The following FRYL variants were observed in gnomAD, a reference collection of about 807,000 sequenced individuals.
FRYL encodes the protein protein furry homolog-like.
A neutral mutation model predicts 351.2 loss-of-function variants in FRYL; 150 were observed. The observed-to-expected ratio is 0.43, with a 90% CI of 0.37 to 0.49. The LOEUF is 0.49. FRYL is among the 20% of genes least tolerant of loss of function. The pLI, the probability that FRYL is intolerant of heterozygous loss-of-function variation, is 0.00. For missense variants in FRYL, 3,036 were observed against 3,619.3 expected (o/e 0.84, Z 4.13); for synonymous variants, 1,153 against 1,257.1 (o/e 0.92, Z 1.75).
At chr4:48,545,848 C>G (rs1340969725) in intron 42 of FRYL, among the ~76,000 whole-genome samples, 1 of 152,116 alleles carries the variant, frequency 6.6e-6, no homozygotes, top group Non-Finnish European at 1.5e-5. Context: ...TCTCTTTGGC[C>G]ATTAAATAGC....
chr4:48,600,930 G>A (rs1332617527), intron 13 of FRYL, among the ~76,000 whole-genome samples: 1 of 152,094 alleles, frequency 6.6e-6, no homozygotes, highest in South Asian at 2.1e-4. Context: ...ATCCAAACAT[G>A]AGTAATATCA....
At position 48,500,163 on chromosome 4, in the gene FRYL, A is replaced by T. The variant is rs759035579; in HGVS notation, c.8650T>A (p.Ser2884Thr). The change falls in exon 63 of 64, where the codon TCC (serine) becomes ACC (threonine). Residue 2884 changes from serine to threonine, a missense_variant. This residue lies in a region of FRYL where 1,987 missense variants were observed against 2,311.7 expected (regional missense o/e 0.86). Transcript: ENST00000358350. The part of the protein sequence containing the change: ...QLESILKEAE[S>T]ASENEEIDIS... ...TCAATTTCTTCGTTTTCGGAAGCGG[A>T]CTCAGCTTCTTTGAGGATACTTTCC... 1 of 1,605,678 alleles carries T rather than the reference A, an allele frequency of 6.2e-7. No individual in the cohort carries two copies. The highest frequency in any genetic ancestry group is 8.5e-7 in the Non-Finnish European group (1 of 1,178,448).
chr4:48,649,476 T>C (rs1039983845), intron 3 of FRYL, among the ~76,000 whole-genome samples: 2 of 152,204 alleles, frequency 1.3e-5, no homozygotes, highest in Non-Finnish European at 2.9e-5. Context: ...TAAATTAATA[T>C]GCTTACAAGA....
intron 1 of FRYL, among the ~76,000 whole-genome samples, chr4:48,764,497 C>T (rs1400882241): frequency 6.6e-6 from 1 of 150,468 alleles, no homozygotes. Context: ...TGCCACTGTG[C>T]TCCAGCCTGA....
chr4:48,656,260 AAT>A (rs1229679242), intron 3 of FRYL, among the ~76,000 whole-genome samples: 1 of 111,408 alleles, frequency 9.0e-6, no homozygotes, highest in African/African-American at 3.2e-5. Flanking sequence ...TATATATTTG[AAT>A]ATACATTATT....
chr4:48,575,056 C>A, intron 25 of FRYL, 61 bp downstream of exon 25: 1 of 1,568,030 alleles, frequency 6.4e-7, no homozygotes, highest in Non-Finnish European at 8.7e-7. Flanking sequence ...GACCCTACCA[C>A]ACCTTCTAAG....
chr4:48,690,746 T>C (rs78004396), intron 2 of FRYL, among the ~76,000 whole-genome samples: 1 of 152,174 alleles, frequency 6.6e-6, no homozygotes, highest in South Asian at 2.1e-4. Flanking sequence ...ATAGTTTTTT[T>C]AATTATACAA....
At position 48,589,404 on chromosome 4, in the gene FRYL, G is replaced by A. The variant is rs138705816; in HGVS notation, c.1640+341C>T. Reference sequence around the variant, plus strand: ...TTTTTTTTTTTTTTTTTAAACTAGGGCTTTGGCAGTGAAAGCATTTATTTG... The same window carrying A: ...TTTTTTTTTTTTTTTTTAAACTAGGACTTTGGCAGTGAAAGCATTTATTTG... On this transcript the variant is annotated intron_variant, in intron 18 of 63. Transcript: ENST00000358350. 6.2e-3 allele frequency among the ~76,000 whole-genome samples: 919 copies of A among 148,090 alleles called. 12 individuals carry two copies. The highest frequency in any genetic ancestry group is 0.021 in the African/African-American group (862 of 40,202).
intron 3 of FRYL, among the ~76,000 whole-genome samples, chr4:48,670,500 G>A (rs1201514321): frequency 6.6e-6 from 1 of 150,914 alleles, no homozygotes. Flanking sequence ...TAGTCACCCT[G>A]CTGTGCTAGC....
chr4:48,739,421 A>AAT (rs56312141), intron 1 of FRYL, among the ~76,000 whole-genome samples: 1,862 of 117,082 alleles, frequency 0.016, 235 homozygotes, highest in East Asian at 0.084. Flanking sequence ...AAAAAAAAAA[A>AAT]CAACTAATCT....
chr4:48,558,000 T>C (rs894153085), intron 33 of FRYL, among the ~76,000 whole-genome samples: 1 of 152,224 alleles, frequency 6.6e-6, no homozygotes, highest in East Asian at 1.9e-4. Context: ...GGAAACAGTA[T>C]GATGGTTCCT....
chr4:48,538,624 T>A (rs1729406720), intron 47 of FRYL, among the ~76,000 whole-genome samples: 1 of 152,210 alleles, frequency 6.6e-6, no homozygotes. Context: ...GTGCTACTTG[T>A]TAATCAAATC....
At chr4:48,621,588 T>C (rs749369231) in intron 5 of FRYL, among the ~76,000 whole-genome samples, 6 of 152,336 alleles carry the variant, frequency 3.9e-5, no homozygotes, top group Non-Finnish European at 7.4e-5. Context: ...ATTAATATTC[T>C]GAAATCAGTA....
intron 45 of FRYL, 84 bp from the exon 46 acceptor site, chr4:48,541,044 T>C (rs1730034445): frequency 1.6e-6 from 2 of 1,285,306 alleles, no homozygotes; most frequent in African/African-American, 3.0e-5. Flanking sequence ...CACTGAAAAA[T>C]AGTAACTGGT....
At chr4:48,539,103 C>T (rs539554584) in intron 47 of FRYL, among the ~76,000 whole-genome samples, 2 of 152,256 alleles carry the variant, frequency 1.3e-5, no homozygotes, top group Admixed American at 1.3e-4. Flanking sequence ...ATTCTTCTAA[C>T]ATTGAGCCAT....
chr4:48,542,234 A>G, intron 44 of FRYL, 113 bp from the exon 45 acceptor site: 1 of 737,800 alleles, frequency 1.4e-6, no homozygotes, highest in South Asian at 1.7e-5. Flanking sequence ...TTACAAAATG[A>G]TTAAACTCTT....
chr4:48,710,706 A>C lies in FRYL; in HGVS notation c.-383-8T>G, dbSNP rs542132280. On this transcript the variant is annotated splice_region_variant and splice_polypyrimidine_tract_variant and intron_variant, in intron 1 of 63. Coordinates refer to ENST00000358350, the MANE Select transcript of FRYL (RefSeq NM_015030.2). ...AATATGGAATGTTCTAGGCTGGAAG[A>C]TTAAAAAATAGGAAATATGGTCATC... 3.0e-5 allele frequency: 12 copies of C among 397,480 alleles called. No individual in the cohort carries two copies. Among genetic ancestry groups the C allele is most frequent in the Non-Finnish European group, 5.3e-5 (12 of 225,712 alleles). 24.6% of individuals were successfully genotyped at this position (397,480 alleles called of 1,614,324 possible).
chr4:48,632,098 A>ATATATATATG (rs1560753522), intron 4 of FRYL, among the ~76,000 whole-genome samples: 8 of 21,480 alleles, frequency 3.7e-4, no homozygotes, highest in East Asian at 1.8e-3. Flanking sequence ...AAAAATATAT[A>ATATATATATG]TATATATATA....
At chr4:48,556,358 TCTTGA>T (rs1166686345) in intron 35 of FRYL, among the ~76,000 whole-genome samples, 2 of 152,252 alleles carry the variant, frequency 1.3e-5, no homozygotes, top group African/African-American at 4.8e-5. Flanking sequence ...AAATGTGTCC[TCTTGA>T]CTTGGGCAGA....
Sources: gnomAD v4.1 joint callset for allele counts (sites outside exome capture counted in the v4.1 genomes callset) on GRCh38, gnomAD v4.1.1 for gene constraint, gnomAD v4.1.1 regional missense constraint, MANE v1.5 for transcripts, NCBI Gene and HGNC (gene_info 2026-07-23, HGNC 2026-07-21) for gene names.